The following WFDC10A variants were observed in gnomAD, a reference collection of about 807,000 sequenced individuals.
WFDC10A encodes WAP four-disulfide core domain 10A.
A neutral mutation model predicts 2.6 loss-of-function variants in WFDC10A; 2 were observed. The observed-to-expected ratio is 0.76, with a 90% CI of 0.31 to 2.40. WFDC10A has a LOEUF of 2.40. Ranked by LOEUF, WFDC10A falls within the 30% of genes most tolerant of loss-of-function variation. The pLI, the probability that WFDC10A is intolerant of heterozygous loss-of-function variation, is 0.12. For missense variants in WFDC10A, 84 were observed against 91.8 expected (o/e 0.92, Z 0.35); for synonymous variants, 36 against 36.3 (o/e 0.99, Z 0.03).
chr20:45,630,895 A>C lies in WFDC10A; in HGVS notation c.117A>C (p.Lys39Asn), dbSNP rs747360918. 72 of 1,605,750 alleles carry C rather than the reference A, an allele frequency of 4.5e-5. No homozygotes were observed. Among genetic ancestry groups the C allele is most frequent in the Non-Finnish European group, 5.5e-5 (65 of 1,176,872 alleles). ...AAACACAGCTATCCCCAGAAATCAA[A>C]GTCTGCCAGCAGCAGCCTAAACTAT... ...MQKTQLSPEI[K>N]VCQQQPKLYL... The change falls in exon 2 of 2, where the codon AAA (lysine) becomes AAC (asparagine). Residue 39 changes from lysine (K) to asparagine (N), a missense_variant. Lys to Asn is a moderately conservative substitution (Grantham distance 94). Transcript: ENST00000372643.
intron 1 of WFDC10A, 142 bp from the exon 2 acceptor site, chr20:45,630,728 G>A: frequency 1.1e-6 from 1 of 924,494 alleles, no homozygotes; most frequent in Non-Finnish European, 1.5e-6. Context: ...TTTGGTGATG[G>A]GCAGGAAGGT....
At position 45,631,159 on chromosome 20, in the gene WFDC10A, T is replaced by A; in HGVS notation, c.*141T>A. 1 of 937,752 alleles carries A rather than the reference T, an allele frequency of 1.1e-6. No individual in the cohort carries two copies. Among genetic ancestry groups the A allele is most frequent in the Non-Finnish European group, 1.5e-6 (1 of 685,146 alleles). The allele number at this position is 937,752 out of a possible 1,614,324, so 58.1% of individuals were successfully genotyped here. A position where few individuals can be genotyped will look rare whatever the true frequency, so the allele number is the denominator to read the frequency against. On this transcript the variant is annotated 3_prime_UTR_variant, in exon 2 of 2. Transcript: ENST00000372643. The stretch of plus-strand genomic sequence containing the variant: ...CCGCCCTCTCTACTGTCTGAACCCC[T>A]TGTCCCTGTCAAATAAACCAGAACA...
chr20:45,630,005 A>C (rs548650350), intron 1 of WFDC10A, 101 bp downstream of exon 1: 1 of 1,486,466 alleles, frequency 6.7e-7, no homozygotes, highest in Non-Finnish European at 9.1e-7. Context: ...AACTCTCTGC[A>C]TATCCAGCTC....
chr20:45,629,994 A>G (rs1225049485), intron 1 of WFDC10A, 90 bp downstream of exon 1: 1 of 1,525,840 alleles, frequency 6.6e-7, no homozygotes, highest in Non-Finnish European at 8.9e-7. Flanking sequence ...TAGGAGTTGG[A>G]AACTCTCTGC....
At chr20:45,630,780 C>A (rs552608619) in intron 1 of WFDC10A, 90 bp from the exon 2 acceptor site, 329 of 1,382,824 alleles carry the variant, frequency 2.4e-4, no homozygotes, top group Admixed American at 4.2e-4. Flanking sequence ...TGACTGAGAC[C>A]TGGGTTCAAG....
intron 1 of WFDC10A, 56 bp from the exon 2 acceptor site, chr20:45,630,814 G>C: frequency 2.7e-6 from 4 of 1,506,344 alleles, no homozygotes; most frequent in Non-Finnish European, 3.5e-6. Context: ...GCTTCAGCTT[G>C]AGAAAAATGT....
intron 1 of WFDC10A, 26 bp from the exon 2 acceptor site, chr20:45,630,844 A>C (rs754872788): frequency 1.9e-6 from 3 of 1,561,790 alleles, no homozygotes; most frequent in Non-Finnish European, 2.6e-6. Context: ...AACTGCGTTT[A>C]TTTACCGTTC....
chr20:45,629,972 C>A, intron 1 of WFDC10A, 68 bp downstream of exon 1: 2 of 1,576,760 alleles, frequency 1.3e-6, no homozygotes, highest in South Asian at 2.3e-5. Context: ...TGTGTCCAGT[C>A]TGAGTAGGAC....
At position 45,630,910 on chromosome 20, in the gene WFDC10A, G is replaced by A. The variant is rs2272961; in HGVS notation, c.132G>A (p.Gln44=). Residue 44 remains glutamine (Q), a synonymous_variant, in exon 2 of 2, where the codon CAG becomes CAA. Coordinates refer to ENST00000372643, the MANE Select transcript of WFDC10A (RefSeq NM_080753.3). ...CAGAAATCAAAGTCTGCCAGCAGCAGCCTAAACTATATCTATGCAAACACT... is the reference window on the plus strand; with the variant it reads ...CAGAAATCAAAGTCTGCCAGCAGCAACCTAAACTATATCTATGCAAACACT... ...LSPEIKVCQQ[Q]PKLYLCKHLC... is the part of the protein sequence containing the mutation. 0.17 allele frequency: 271,239 copies of A among 1,608,516 alleles called. 24,669 individuals carry two copies. Among genetic ancestry groups the A allele is most frequent in the East Asian group, 0.32 (14,290 of 44,450 alleles).
chr20:45,630,758 C>T lies in WFDC10A; in HGVS notation c.92-112C>T, dbSNP rs1386791283. 5.8e-6 allele frequency: 7 copies of T among 1,202,436 alleles called. No individual in the cohort carries two copies. In the African/African-American group the frequency reaches 9.5e-5, roughly 16 times the overall value. 74.5% of individuals were successfully genotyped at this position (1,202,436 alleles called of 1,614,324 possible). A position where few individuals can be genotyped will look rare whatever the true frequency, so the allele number is the denominator to read the frequency against. The stretch of plus-strand genomic sequence containing the variant: ...GAAGGTAGTTCTATGAAGAAGGAAT[C>T]CAGGAGTATCATGACTGAGACCTGG... On this transcript the variant is annotated intron_variant, in intron 1 of 1. Coordinates refer to ENST00000372643, the MANE Select transcript of WFDC10A (RefSeq NM_080753.3).
intron 1 of WFDC10A, among the ~76,000 whole-genome samples, chr20:45,630,523 C>G (rs1224439033): frequency 6.6e-6 from 1 of 152,086 alleles, no homozygotes; most frequent in African/African-American, 2.4e-5. Context: ...TGAAAGATGT[C>G]TCATGCTTCT....
Position 45,629,745 on chromosome 20 carries a change from C to G in WFDC10A, c.-69C>G. ...TTCCTTCTTTCCTTCCTTCACTCTC[C>G]GTAGACAGCTCTGCAGGGAAGTCTG... On this transcript the variant is annotated 5_prime_UTR_variant, in exon 1 of 2. Transcript: ENST00000372643. 6.4e-7 allele frequency: 1 copy of G among 1,557,042 alleles called. No homozygotes were observed. Among genetic ancestry groups the G allele is most frequent in the Admixed American group, 1.9e-5 (1 of 53,264 alleles).
At chr20:45,630,650 C>G (rs1156719831) in intron 1 of WFDC10A, among the ~76,000 whole-genome samples, 1 of 151,996 alleles carries the variant, frequency 6.6e-6, no homozygotes, top group Non-Finnish European at 1.5e-5. Context: ...GAAGCCCAGG[C>G]ATTGTGGTCT....
chr20:45,629,752 A>C lies in WFDC10A; in HGVS notation c.-62A>C. The C allele has an allele frequency of 6.4e-7, 1 of 1,573,264 alleles. No homozygotes were observed. Among genetic ancestry groups the C allele is most frequent in the Non-Finnish European group, 8.7e-7 (1 of 1,155,254 alleles). ...TTTCCTTCCTTCACTCTCCGTAGAC[A>C]GCTCTGCAGGGAAGTCTGTGACAAC... On this transcript the variant is annotated 5_prime_UTR_variant, in exon 1 of 2. Coordinates refer to ENST00000372643, the MANE Select transcript of WFDC10A (RefSeq NM_080753.3).
chr20:45,630,730 C>A, intron 1 of WFDC10A, 140 bp from the exon 2 acceptor site: 1 of 933,886 alleles, frequency 1.1e-6, no homozygotes, highest in Non-Finnish European at 1.5e-6. Context: ...TGGTGATGGG[C>A]AGGAAGGTAG....
At chr20:45,630,568 T>A (rs947045834) in intron 1 of WFDC10A, among the ~76,000 whole-genome samples, 3 of 152,122 alleles carry the variant, frequency 2.0e-5, no homozygotes, top group Non-Finnish European at 4.4e-5. Context: ...GATTCTTTGG[T>A]GGTGACTTCA....
At chr20:45,630,783 G>T in intron 1 of WFDC10A, 87 bp from the exon 2 acceptor site, 1 of 1,396,406 alleles carries the variant, frequency 7.2e-7, no homozygotes, top group South Asian at 1.6e-5. Context: ...CTGAGACCTG[G>T]GTTCAAGGGT....
rs1422617727 is a variant in WFDC10A at position 45,630,912 on chromosome 20, C to T, written c.134C>T (p.Pro45Leu). 1 of 1,609,470 alleles carries T rather than the reference C, an allele frequency of 6.2e-7. No homozygotes were observed. The highest frequency in any genetic ancestry group is 2.2e-5 in the East Asian group (1 of 44,506). The change falls in exon 2 of 2, where the codon CCT becomes CTT. Residue 45 changes from proline (P) to leucine (L), a missense_variant. Pro to Leu is a moderately conservative substitution (Grantham distance 98, BLOSUM62 -3). Transcript: ENST00000372643. ...GAAATCAAAGTCTGCCAGCAGCAGC[C>T]TAAACTATATCTATGCAAACACTTA... The part of the protein sequence containing the change: ...SPEIKVCQQQ[P>L]KLYLCKHLCE...
At chr20:45,630,758 C>A in intron 1 of WFDC10A, 112 bp from the exon 2 acceptor site, 2 of 1,202,552 alleles carry the variant, frequency 1.7e-6, no homozygotes, top group Non-Finnish European at 2.2e-6. Flanking sequence ...AAGAAGGAAT[C>A]CAGGAGTATC....
Sources: gnomAD v4.1 joint callset for allele counts (sites outside exome capture counted in the v4.1 genomes callset) on GRCh38, gnomAD v4.1.1 for gene constraint, MANE v1.5 for transcripts, NCBI Gene and HGNC (gene_info 2026-07-23, HGNC 2026-07-21) for gene names.